Variants in CCDC125 observed in about 807,000 individuals in gnomAD.
CCDC125 encodes the protein coiled-coil domain-containing protein 125.
In CCDC125, 43 loss-of-function variants were observed where a neutral mutation model predicts 57.4. The observed-to-expected ratio is 0.75, with a 90% CI of 0.59 to 0.97. The LOEUF (loss-of-function observed/expected upper bound fraction) is 0.97. Ranked by LOEUF, CCDC125 falls within the 50% of genes least tolerant of loss-of-function variation. CCDC125 has a pLI of 0.00. For missense variants in CCDC125, 563 were observed against 595.7 expected (o/e 0.95, Z 0.57); for synonymous variants, 187 against 195.2 (o/e 0.96, Z 0.35).
chr5:69,275,800 C>T (rs1023213352), downstream of CCDC125, among the ~76,000 whole-genome samples: 1 of 152,072 alleles, frequency 6.6e-6, no homozygotes, highest in East Asian at 1.9e-4. Flanking sequence ...ATAGCAAGAC[C>T]CCATTCTCCA....
At chr5:69,309,886 T>G (rs995977557) in intron 4 of CCDC125, 3 of 152,296 alleles carry the variant, frequency 2.0e-5, no homozygotes, top group African/African-American at 7.2e-5. Context: ...ATGACCTGGA[T>G]GTGAGACCTG....
At chr5:69,317,606 C>T (rs1759331694) in intron 2 of CCDC125, among the ~76,000 whole-genome samples, 1 of 152,096 alleles carries the variant, frequency 6.6e-6, no homozygotes, top group Non-Finnish European at 1.5e-5. Flanking sequence ...ACATAGATTA[C>T]AAAATATTTA....
intron 1 of CCDC125, among the ~76,000 whole-genome samples, chr5:69,323,419 C>T (rs768875332): frequency 7.9e-5 from 12 of 152,098 alleles, no homozygotes; most frequent in Non-Finnish European, 1.8e-4. Context: ...CTCTAAATTA[C>T]GTATAATATC....
At chr5:69,279,644 A>C (rs1031793392), downstream of CCDC125, among the ~76,000 whole-genome samples, 1 of 151,952 alleles carries the variant, frequency 6.6e-6, no homozygotes, top group African/African-American at 2.4e-5. Flanking sequence ...CAGTGCATCA[A>C]ACCCACTCGT....
Position 69,281,067 on chromosome 5 carries a change from C to G in CCDC125, c.*1662G>C, listed in dbSNP as rs1167460044. On this transcript the variant is annotated 3_prime_UTR_variant, in exon 12 of 12. Coordinates refer to ENST00000396496, the MANE Select transcript of CCDC125 (RefSeq NM_176816.5). Reference sequence around the variant, plus strand: ...CAGACCAGATCTGTAAGCCACTGCACCCGGCCTTGATAGCCATTTGTTTTC... The same window carrying G: ...CAGACCAGATCTGTAAGCCACTGCAGCCGGCCTTGATAGCCATTTGTTTTC... The G allele has an allele frequency of 1.3e-5, 2 of 152,234 alleles. No homozygotes were observed. Among genetic ancestry groups the G allele is most frequent in the Non-Finnish European group, 2.9e-5 (2 of 68,070 alleles). 9.4% of individuals were successfully genotyped at this position (152,234 alleles called of 1,614,324 possible). A position where few individuals can be genotyped will look rare whatever the true frequency, so the allele number is the denominator to read the frequency against.
intron 2 of CCDC125, among the ~76,000 whole-genome samples, chr5:69,319,280 G>A (rs894221582): frequency 1.3e-5 from 2 of 151,928 alleles, no homozygotes; most frequent in African/African-American, 4.8e-5. Context: ...ATGACATTAG[G>A]GCCTTTGTCT....
chr5:69,273,278 G>A, the CCDC125 span, among the ~76,000 whole-genome samples: 1 of 151,850 alleles, frequency 6.6e-6, no homozygotes, highest in South Asian at 2.1e-4. Context: ...CTTGCTTAGG[G>A]ACATTTAAAT....
At chr5:69,273,374 A>G in the CCDC125 span, among the ~76,000 whole-genome samples, 1 of 152,210 alleles carries the variant, frequency 6.6e-6, no homozygotes, top group Non-Finnish European at 1.5e-5. Flanking sequence ...AAACTGGTAT[A>G]TTTCAGTTGA....
At chr5:69,276,850 T>C (rs776284274), downstream of CCDC125, 3 of 730,532 alleles carry the variant, frequency 4.1e-6, no homozygotes, top group Non-Finnish European at 6.7e-6. Flanking sequence ...CCGTTTTAGG[T>C]ATGTTTACTT....
chr5:69,324,065 G>A lies in CCDC125; in HGVS notation c.-40-3485C>T, dbSNP rs148522766. Among the ~76,000 whole-genome samples, 991 of 151,936 alleles carry A rather than the reference G, an allele frequency of 6.5e-3. 8 individuals are homozygous for A. Among genetic ancestry groups the A allele is most frequent in the African/African-American group, 0.023 (953 of 41,438 alleles). ...AAACTTCGAAAGACATTTAATCTCA[G>A]TCTTGCATTTGTTGTGGAGATCTCT... On this transcript the variant is annotated intron_variant, in intron 1 of 11. Coordinates refer to ENST00000396496, the MANE Select transcript of CCDC125 (RefSeq NM_176816.5).
At chr5:69,311,225 A>C (rs752705225) in intron 3 of CCDC125, 21 bp from the exon 4 acceptor site, 1 of 1,475,566 alleles carries the variant, frequency 6.8e-7, no homozygotes, top group Admixed American at 1.7e-5. Flanking sequence ...AAAGAAAATT[A>C]GTCTTCCTAT....
intron 1 of CCDC125, among the ~76,000 whole-genome samples, chr5:69,331,562 T>G (rs567141484): frequency 6.6e-6 from 1 of 152,182 alleles, no homozygotes; most frequent in South Asian, 2.1e-4. Flanking sequence ...AAAATAAAAA[T>G]AATGTATCCA....
intron 10 of CCDC125, among the ~76,000 whole-genome samples, chr5:69,287,576 T>G (rs1256443830): frequency 2.8e-5 from 4 of 143,716 alleles, no homozygotes; most frequent in East Asian, 2.0e-4. Context: ...TTTTTGGTGG[T>G]TTTTTTTTTT....
At position 69,292,299 on chromosome 5, in the gene CCDC125, A is replaced by G. The variant is rs753268906; in HGVS notation, c.988T>C (p.Phe330Leu). The G allele has an allele frequency of 5.0e-6, 8 of 1,613,904 alleles. No individual in the cohort carries two copies. The South Asian group carries it at 8.8e-5, about 18-fold the overall frequency. ...TTTTTTCTCATTAATTGTTGCTCAA[A>G]TGCAATTCTGAAAGCATCTGCCATC... is the stretch of plus-strand genomic sequence containing the variant. ...YVMADAFRIA[F>L]EQQLMRKNDQ... The change falls in exon 10 of 12, where the codon TTT (phenylalanine) becomes CTT (leucine). Residue 330 changes from phenylalanine (F) to leucine (L), a missense_variant. Physicochemically the swap from Phe to Leu is conservative, Grantham distance 22. Coordinates refer to ENST00000396496, the MANE Select transcript of CCDC125 (RefSeq NM_176816.5).
chr5:69,297,495 G>A (rs1755561540), intron 8 of CCDC125, among the ~76,000 whole-genome samples: 1 of 151,540 alleles, frequency 6.6e-6, no homozygotes, highest in East Asian at 2.0e-4. Flanking sequence ...AAGTAGCTGG[G>A]ATTACAGGCA....
At chr5:69,278,890 A>G (rs1752331893), downstream of CCDC125, among the ~76,000 whole-genome samples, 1 of 146,314 alleles carries the variant, frequency 6.8e-6, no homozygotes, top group African/African-American at 2.5e-5. Flanking sequence ...TTAATGAGAC[A>G]GAGTCTTGCT....
chr5:69,286,994 T>TA (rs33957725), intron 10 of CCDC125, among the ~76,000 whole-genome samples: 19,041 of 112,640 alleles, frequency 0.17, 1,457 homozygotes, highest in African/African-American at 0.27. Flanking sequence ...GAGTTTAAGA[T>TA]AAAAAAAAAA....
intron 3 of CCDC125, among the ~76,000 whole-genome samples, chr5:69,311,760 G>A (rs1049429241): frequency 1.3e-5 from 2 of 150,616 alleles, no homozygotes; most frequent in African/African-American, 4.9e-5. Flanking sequence ...CTGAGACAGA[G>A]TCTCACTCTG....
chr5:69,304,703 G>A lies in CCDC125; in HGVS notation c.618-774C>T, dbSNP rs142472156. Among the ~76,000 whole-genome samples the A allele has an allele frequency of 7.4e-3, 1,123 of 152,226 alleles. 15 individuals are homozygous for A. Among genetic ancestry groups the A allele is most frequent in the African/African-American group, 0.026 (1,085 of 41,538 alleles). On this transcript the variant is annotated intron_variant, in intron 6 of 11. Coordinates refer to ENST00000396496, the MANE Select transcript of CCDC125 (RefSeq NM_176816.5). ...GCCTCCCAAAGTGCTGGGATTACAGGCGTGAGCCACTGCGCCTGGACTAAA... is the reference window on the plus strand; with the variant it reads ...GCCTCCCAAAGTGCTGGGATTACAGACGTGAGCCACTGCGCCTGGACTAAA...
Sources: allele counts gnomAD v4.1 joint callset (sites outside exome capture counted in the v4.1 genomes callset), GRCh38; gene constraint gnomAD v4.1.1; transcripts MANE v1.5; gene names NCBI Gene and HGNC (gene_info 2026-07-23, HGNC 2026-07-21).